CPVL: variants seen among roughly 807,000 people sequenced by gnomAD.
CPVL encodes carboxypeptidase vitellogenic like.
A neutral mutation model predicts 63.7 loss-of-function variants in CPVL; 51 were observed. That is an observed-to-expected ratio of 0.80 (90% CI 0.64 to 1.01). The LOEUF is 1.01. CPVL is among the 50% of genes least tolerant of loss of function. The pLI, the probability that CPVL is intolerant of heterozygous loss-of-function variation, is 0.00. For synonymous variants in CPVL, 195 were observed against 206.0 expected (o/e 0.95, Z 0.46); for missense variants, 530 against 573.1 (o/e 0.92, Z 0.77).
At chr7:29,034,402 C>T (rs1788319264) in intron 11 of CPVL, among the ~76,000 whole-genome samples, 1 of 152,120 alleles carries the variant, frequency 6.6e-6, no homozygotes, top group Admixed American at 6.5e-5. Flanking sequence ...TGATCCACCG[C>T]ACCTGGCCAT....
Position 29,183,146 on chromosome 7 carries a change from G to A in CPVL, c.-134+1275C>T, listed in dbSNP as rs545652002. On this transcript the variant is annotated intron_variant, in intron 4 of 16. Coordinates refer to the CPVL transcript ENST00000409850. The stretch of plus-strand genomic sequence containing the variant: ...GTTGCCTAGGCTGGAGTGCAACGGC[G>A]CAATCTTGGCTCATTGTAACCTCCG... Among the ~76,000 whole-genome samples, 41 of 147,606 alleles carry A rather than the reference G, an allele frequency of 2.8e-4. No individual in the cohort carries two copies. In the South Asian group the frequency reaches 8.4e-3, roughly 30 times the overall value.
chr7:29,141,449 G>T (rs1791870404), intron 1 of CPVL, among the ~76,000 whole-genome samples: 1 of 151,964 alleles, frequency 6.6e-6, no homozygotes, highest in Admixed American at 6.6e-5. Context: ...ACTTGGGAAG[G>T]TGAGGCAAGA....
chr7:29,028,637 C>T (rs1185056600), intron 12 of CPVL, among the ~76,000 whole-genome samples: 1 of 152,082 alleles, frequency 6.6e-6, no homozygotes, highest in Non-Finnish European at 1.5e-5. Flanking sequence ...ACTCAAGCAA[C>T]TGAAGAGCAC....
intron 11 of CPVL, among the ~76,000 whole-genome samples, chr7:29,033,910 T>A (rs555937098): frequency 7.9e-4 from 121 of 152,282 alleles, no homozygotes; most frequent in African/African-American, 2.8e-3. Flanking sequence ...AAAATGCTTA[T>A]CTTATGAAAA....
At chr7:29,127,676 G>A (rs1432676183) in intron 1 of CPVL, 1 of 152,190 alleles carries the variant, frequency 6.6e-6, no homozygotes, top group African/African-American at 2.4e-5. Context: ...AGCTGGCCAT[G>A]AAAGAATTCT....
At chr7:29,101,574 G>A (rs1421132318) in intron 3 of CPVL, among the ~76,000 whole-genome samples, 4 of 152,148 alleles carry the variant, frequency 2.6e-5, no homozygotes, top group Admixed American at 6.5e-5. Context: ...CAGCCTGGGC[G>A]ACAGAGCGAG....
chr7:29,095,983 G>T, intron 4 of CPVL, 120 bp downstream of exon 4: 1 of 828,312 alleles, frequency 1.2e-6, no homozygotes. Context: ...GTTGTGTTTT[G>T]ATAATCTGGA....
At chr7:29,169,228 C>T (rs569419871) in intron 5 of CPVL, among the ~76,000 whole-genome samples, 14 of 152,086 alleles carry the variant, frequency 9.2e-5, no homozygotes, top group Admixed American at 4.6e-4. Context: ...GGTTGTACTA[C>T]GAATAAATGC....
intron 11 of CPVL, among the ~76,000 whole-genome samples, chr7:29,039,364 G>A (rs1426294093): frequency 6.6e-6 from 1 of 152,084 alleles, no homozygotes; most frequent in Non-Finnish European, 1.5e-5. Flanking sequence ...CAGATATAAA[G>A]CAACCATTTT....
intron 1 of CPVL, among the ~76,000 whole-genome samples, chr7:29,187,142 G>A (rs1180254445): frequency 6.6e-6 from 1 of 152,122 alleles, no homozygotes; most frequent in East Asian, 1.9e-4. Flanking sequence ...CATAATACCT[G>A]GAGCAGTAGT....
At chr7:29,173,541 C>CA (rs1796882880) in intron 5 of CPVL, among the ~76,000 whole-genome samples, 1 of 151,958 alleles carries the variant, frequency 6.6e-6, no homozygotes, top group South Asian at 2.1e-4. Context: ...GGTCACAAGG[C>CA]AACCAGGAAA....
At chr7:29,136,292 G>A (rs192283616) in intron 1 of CPVL, among the ~76,000 whole-genome samples, 1 of 152,144 alleles carries the variant, frequency 6.6e-6, no homozygotes, top group Admixed American at 6.6e-5. Context: ...AATCCAAAGA[G>A]GAAATTTTTA....
chr7:29,148,223 T>G (rs894465253), upstream of CPVL, among the ~76,000 whole-genome samples: 7 of 152,220 alleles, frequency 4.6e-5, no homozygotes, highest in African/African-American at 1.7e-4. Flanking sequence ...GGACAAGGGC[T>G]CCTTGGGTCT....
chr7:29,178,147 A>G (rs1421915449), intron 5 of CPVL, among the ~76,000 whole-genome samples: 2 of 152,186 alleles, frequency 1.3e-5, no homozygotes, highest in Non-Finnish European at 2.9e-5. Flanking sequence ...CCACACCATC[A>G]GCCTTTCTTT....
intron 1 of CPVL, among the ~76,000 whole-genome samples, chr7:29,190,644 A>G (rs769058068): frequency 1.1e-4 from 16 of 152,202 alleles, no homozygotes; most frequent in Non-Finnish European, 1.9e-4. Flanking sequence ...TTTTATTCTT[A>G]TGTTTCACCG....
chr7:29,023,188 G>C (rs1480445712), intron 12 of CPVL, among the ~76,000 whole-genome samples: 1 of 152,226 alleles, frequency 6.6e-6, no homozygotes, highest in East Asian at 1.9e-4. Context: ...GTATTAGTCT[G>C]TTCTCATGCT....
At chr7:29,113,269 T>C (rs1788434964) in intron 2 of CPVL, among the ~76,000 whole-genome samples, 1 of 151,924 alleles carries the variant, frequency 6.6e-6, no homozygotes, top group Non-Finnish European at 1.5e-5. Context: ...AAGGCCTGTG[T>C]CCTTCACGCT....
intron 7 of CPVL, among the ~76,000 whole-genome samples, chr7:29,075,400 C>A (rs1784138611): frequency 6.6e-6 from 1 of 151,618 alleles, no homozygotes; most frequent in African/African-American, 2.4e-5. Context: ...AGGGCCCGTG[C>A]ATTTCATTCA....
intron 12 of CPVL, among the ~76,000 whole-genome samples, chr7:29,003,583 ATAAT>A (rs762857669): frequency 1.3e-5 from 2 of 152,236 alleles, no homozygotes; most frequent in Non-Finnish European, 2.9e-5. Context: ...AGGAGTATCA[ATAAT>A]TAATAATGTC....
Sources: gnomAD v4.1 joint callset for allele counts (sites outside exome capture counted in the v4.1 genomes callset) on GRCh38, gnomAD v4.1.1 for gene constraint, MANE v1.5 for transcripts, NCBI Gene and HGNC (gene_info 2026-07-23, HGNC 2026-07-21) for gene names.